GRM1: variants seen among roughly 807,000 people sequenced by gnomAD.
GRM1 encodes glutamate metabotropic receptor 1, also known as metabotropic glutamate receptor 1.
A neutral mutation model predicts 90.9 loss-of-function variants in GRM1; 33 were observed. The ratio of observed to expected loss-of-function variants is 0.36; its 90% CI spans 0.28 to 0.49. The LOEUF (loss-of-function observed/expected upper bound fraction) is 0.49, where lower values mean the gene tolerates loss of function less well. GRM1 is among the 20% of genes least tolerant of loss of function. GRM1 has a pLI of 0.99. For missense variants in GRM1, 1,190 were observed against 1,534.3 expected (o/e 0.78, Z 3.75); for synonymous variants, 700 against 613.2 (o/e 1.14, Z -2.09).
chr6:146,399,744 T>G lies in GRM1; in HGVS notation c.2660+45T>G. ...TGTCTCTCTTTTCTCTTCCTTTCTC[T>G]GTCTCTTTCTCTCTCTCTCTCTCTC... On this transcript the variant is annotated intron_variant, in intron 7 of 7. Coordinates refer to ENST00000282753, the MANE Select transcript of GRM1 (RefSeq NM_001278064.2). This position sits in a 1 kb window ranked among gnomAD's most constrained non-coding sequence, Gnocchi z 5.4. 1 of 1,308,780 alleles carries G rather than the reference T, an allele frequency of 7.6e-7. No individual in the cohort carries two copies. Among genetic ancestry groups the G allele is most frequent in the Non-Finnish European group, 1.1e-6 (1 of 935,736 alleles). 81.1% of individuals were successfully genotyped at this position (1,308,780 alleles called of 1,614,324 possible). A position where few individuals can be genotyped will look rare whatever the true frequency, so the allele number is the denominator to read the frequency against.
chr6:146,328,872 A>C (rs965020552), intron 3 of GRM1, among the ~76,000 whole-genome samples: 1 of 152,178 alleles, frequency 6.6e-6, no homozygotes, highest in East Asian at 1.9e-4. Flanking sequence ...CTAAGGAGAA[A>C]AGACCCCATG....
intron 5 of GRM1, among the ~76,000 whole-genome samples, chr6:146,366,044 C>T (rs925662571): frequency 1.8e-4 from 27 of 152,066 alleles, no homozygotes; most frequent in Non-Finnish European, 1.3e-4. Flanking sequence ...AATGACAGCT[C>T]CTCAAAGGTG....
At chr6:146,096,385 G>A (rs1366897396) in intron 1 of GRM1, among the ~76,000 whole-genome samples, 1 of 152,100 alleles carries the variant, frequency 6.6e-6, no homozygotes. Context: ...AAGAGGAAGG[G>A]ACTTGCTAAA....
At chr6:146,072,021 G>T (rs1392193302) in intron 1 of GRM1, among the ~76,000 whole-genome samples, 1 of 152,146 alleles carries the variant, frequency 6.6e-6, no homozygotes, top group Non-Finnish European at 1.5e-5. Flanking sequence ...CGTGACACTA[G>T]TGTTTCATGA....
chr6:146,250,437 G>A (rs536890489), intron 2 of GRM1, among the ~76,000 whole-genome samples: 1 of 152,256 alleles, frequency 6.6e-6, no homozygotes, highest in Admixed American at 6.5e-5. Flanking sequence ...CATAAGATCT[G>A]GTTGTTTGAT....
intron 2 of GRM1, among the ~76,000 whole-genome samples, chr6:146,183,633 T>C (rs1778625383): frequency 6.6e-6 from 1 of 152,196 alleles, no homozygotes; most frequent in Non-Finnish European, 1.5e-5. Flanking sequence ...CTATGTTCCT[T>C]TTCCATGCCT....
In GRM1 at chr6:146,211,992, G is replaced by A. The variant is rs553290523; in HGVS notation, c.950+52395G>A. 2.1e-3 allele frequency among the ~76,000 whole-genome samples: 321 copies of A among 152,304 alleles called. 2 individuals are homozygous for A. The highest frequency in any genetic ancestry group is 7.5e-3 in the African/African-American group (310 of 41,574). Reference sequence around the variant, plus strand: ...GCAAATCCGAAATCGACAGGACAGGGCATCAGGAAGGGCAGGCTGGAACTC... The same window carrying A: ...GCAAATCCGAAATCGACAGGACAGGACATCAGGAAGGGCAGGCTGGAACTC... On this transcript the variant is annotated intron_variant, in intron 2 of 7. Transcript: ENST00000282753.
intron 2 of GRM1, among the ~76,000 whole-genome samples, chr6:146,291,443 C>A (rs1782981316): frequency 6.6e-6 from 1 of 150,724 alleles, no homozygotes; most frequent in African/African-American, 2.4e-5. Flanking sequence ...TATCTCTTTG[C>A]TTCTGTAGTG....
chr6:146,203,897 C>T (rs1290736408), intron 2 of GRM1, among the ~76,000 whole-genome samples: 3 of 152,120 alleles, frequency 2.0e-5, no homozygotes, highest in African/African-American at 7.2e-5. Flanking sequence ...TTGCTAATTC[C>T]CTTATCCTTT....
At chr6:146,192,758 A>C (rs1778974044) in intron 2 of GRM1, among the ~76,000 whole-genome samples, 1 of 152,216 alleles carries the variant, frequency 6.6e-6, no homozygotes, top group South Asian at 2.1e-4. Flanking sequence ...TATTAGAGTG[A>C]ATTGTATGTA....
At chr6:146,283,465 A>T (rs756354609) in intron 2 of GRM1, among the ~76,000 whole-genome samples, 8 of 152,228 alleles carry the variant, frequency 5.3e-5, no homozygotes, top group Non-Finnish European at 8.8e-5. Context: ...ATACTTCTGC[A>T]AGAAACAAAG....
chr6:146,345,931 C>T (rs777613721), intron 3 of GRM1, among the ~76,000 whole-genome samples: 9 of 152,192 alleles, frequency 5.9e-5, no homozygotes, highest in Non-Finnish European at 1.0e-4. Flanking sequence ...TTAGTTACTT[C>T]GGGGGAGTGG....
chr6:146,083,802 G>C (rs1776448110), intron 1 of GRM1, among the ~76,000 whole-genome samples: 1 of 152,184 alleles, frequency 6.6e-6, no homozygotes, highest in African/African-American at 2.4e-5. Context: ...AGTTTCAGAG[G>C]GAATGGTACT....
At chr6:146,200,749 T>C (rs551382239) in intron 2 of GRM1, among the ~76,000 whole-genome samples, 2 of 151,966 alleles carry the variant, frequency 1.3e-5, no homozygotes, top group East Asian at 3.9e-4. Context: ...GAAGGGAGCA[T>C]AAGGTGGAGA....
At chr6:146,054,819 C>T (rs1386832202) in intron 1 of GRM1, among the ~76,000 whole-genome samples, 1 of 151,850 alleles carries the variant, frequency 6.6e-6, no homozygotes, top group Non-Finnish European at 1.5e-5. Context: ...ATAATTTTTC[C>T]CCAGAGGAAA....
intron 3 of GRM1, among the ~76,000 whole-genome samples, chr6:146,323,171 C>T (rs1052616100): frequency 6.6e-6 from 1 of 151,690 alleles, no homozygotes; most frequent in Non-Finnish European, 1.5e-5. Context: ...CCTGAGGAAT[C>T]GCCACAGTGG....
At chr6:146,206,574 G>A (rs1438903242) in intron 2 of GRM1, among the ~76,000 whole-genome samples, 1 of 151,546 alleles carries the variant, frequency 6.6e-6, no homozygotes, top group Non-Finnish European at 1.5e-5. Flanking sequence ...AAATCTACTT[G>A]ATCTTAGATA....
At chr6:146,228,618 C>T (rs964178042) in intron 2 of GRM1, among the ~76,000 whole-genome samples, 2 of 152,084 alleles carry the variant, frequency 1.3e-5, no homozygotes, top group African/African-American at 4.8e-5. Flanking sequence ...ACAGTTGTAA[C>T]TCTGAAGGAT....
At chr6:146,354,456 C>T (rs904907177) in intron 4 of GRM1, among the ~76,000 whole-genome samples, 1 of 145,086 alleles carries the variant, frequency 6.9e-6, no homozygotes, top group South Asian at 2.3e-4. Flanking sequence ...TTCAAGTTTA[C>T]TCCTCTTCTC....
Sources: allele counts gnomAD v4.1 joint callset (sites outside exome capture counted in the v4.1 genomes callset), GRCh38; gene constraint gnomAD v4.1.1; non-coding constraint Gnocchi (gnomAD v3.1); transcripts MANE v1.5; gene names NCBI Gene and HGNC (gene_info 2026-07-23, HGNC 2026-07-21).